The following STK33 variants were observed in gnomAD, a reference collection of about 807,000 sequenced individuals.
The protein encoded by STK33 is serine/threonine-protein kinase 33.
A neutral mutation model predicts 58.0 loss-of-function variants in STK33; 52 were observed. The ratio of observed to expected loss-of-function variants is 0.90; its 90% CI spans 0.72 to 1.13. The LOEUF is 1.13. STK33 is among the 50% of genes most tolerant of loss of function. The pLI is 0.00. For missense variants in STK33, 630 were observed against 604.2 expected (o/e 1.04, Z -0.45); for synonymous variants, 215 against 200.1 (o/e 1.07, Z -0.63).
intron 1 of STK33, among the ~76,000 whole-genome samples, chr11:8,526,859 T>C (rs1954076443): frequency 7.0e-6 from 1 of 141,952 alleles, no homozygotes; most frequent in African/African-American, 2.6e-5. Context: ...AAAATATAGA[T>C]ACTGTAAGAT....
intron 14 of STK33, among the ~76,000 whole-genome samples, chr11:8,435,096 G>A (rs1035935389): frequency 6.6e-5 from 10 of 152,168 alleles, no homozygotes; most frequent in East Asian, 3.8e-4. Flanking sequence ...TGGAGATCAT[G>A]GCTTTTCTGA....
At chr11:8,524,173 C>A (rs1347970306) in intron 1 of STK33, among the ~76,000 whole-genome samples, 2 of 152,166 alleles carry the variant, frequency 1.3e-5, no homozygotes, top group Non-Finnish European at 2.9e-5. Context: ...GGGACACAAA[C>A]ACGGCAGAAG....
At chr11:8,464,306 G>T (rs1269681491) in intron 7 of STK33, among the ~76,000 whole-genome samples, 1 of 152,136 alleles carries the variant, frequency 6.6e-6, no homozygotes, top group African/African-American at 2.4e-5. Flanking sequence ...AGCGAACAGT[G>T]AGGAAATGAA....
intron 1 of STK33, among the ~76,000 whole-genome samples, chr11:8,523,509 C>T (rs1254168530): frequency 6.6e-6 from 1 of 150,674 alleles, no homozygotes; most frequent in Non-Finnish European, 1.5e-5. Flanking sequence ...CGAGGAGCCC[C>T]TCCGCTGGGC....
intron 1 of STK33, among the ~76,000 whole-genome samples, chr11:8,569,656 A>G (rs1957670791): frequency 6.6e-6 from 1 of 152,290 alleles, no homozygotes; most frequent in Admixed American, 6.5e-5. Context: ...AAAAGACACC[A>G]TTAAGAAAAT....
chr11:8,506,729 T>G (rs1951889257), intron 1 of STK33, among the ~76,000 whole-genome samples: 1 of 152,176 alleles, frequency 6.6e-6, no homozygotes, highest in Admixed American at 6.5e-5. Context: ...TGGACACCTT[T>G]GGGGGGCCGT....
At chr11:8,427,937 C>G (rs1942966450) in intron 14 of STK33, among the ~76,000 whole-genome samples, 1 of 152,142 alleles carries the variant, frequency 6.6e-6, no homozygotes, top group Non-Finnish European at 1.5e-5. Flanking sequence ...CTCCTGTTTC[C>G]CAGGAAGCAT....
intron 15 of STK33, among the ~76,000 whole-genome samples, chr11:8,394,388 T>A (rs1028762963): frequency 6.6e-6 from 1 of 152,388 alleles, no homozygotes; most frequent in African/African-American, 2.4e-5. Context: ...AGTGTAACCT[T>A]CTGTCTTTTG....
intron 1 of STK33, among the ~76,000 whole-genome samples, chr11:8,501,318 T>A (rs1456420176): frequency 1.3e-5 from 2 of 152,126 alleles, no homozygotes; most frequent in Non-Finnish European, 2.9e-5. Context: ...ATCAAGAACA[T>A]GTAAAGAATT....
intron 1 of STK33, among the ~76,000 whole-genome samples, chr11:8,503,596 C>T (rs1051881984): frequency 6.6e-6 from 1 of 152,196 alleles, no homozygotes; most frequent in Non-Finnish European, 1.5e-5. Flanking sequence ...AACAAACCTG[C>T]ACATGGACCC....
the STK33 span, among the ~76,000 whole-genome samples, chr11:8,357,665 G>A: frequency 1.3e-5 from 2 of 152,132 alleles, no homozygotes; most frequent in South Asian, 4.1e-4. Flanking sequence ...GGGTCCTCCT[G>A]CCCTCACACC....
At chr11:8,461,190 G>A (rs919427368) in intron 8 of STK33, among the ~76,000 whole-genome samples, 1 of 152,112 alleles carries the variant, frequency 6.6e-6, no homozygotes, top group African/African-American at 2.4e-5. Flanking sequence ...CAGTCCATAC[G>A]CCTAATCCGT....
chr11:8,366,195 A>C, the STK33 span, among the ~76,000 whole-genome samples: 1 of 152,212 alleles, frequency 6.6e-6, no homozygotes, highest in Admixed American at 6.5e-5. Context: ...GAGTGGGCCC[A>C]TCAGGGGAGG....
At chr11:8,386,091 C>A in the STK33 span, among the ~76,000 whole-genome samples, 1 of 152,174 alleles carries the variant, frequency 6.6e-6, no homozygotes, top group East Asian at 1.9e-4. Context: ...TCTTAATGAA[C>A]ATCTTTTGTA....
chr11:8,373,349 G>A, the STK33 span, among the ~76,000 whole-genome samples: 1 of 152,266 alleles, frequency 6.6e-6, no homozygotes, highest in East Asian at 1.9e-4. Flanking sequence ...CACTGCTGGG[G>A]GTGTGGAGCC....
chr11:8,349,812 C>T, the STK33 span, among the ~76,000 whole-genome samples: 3 of 152,236 alleles, frequency 2.0e-5, no homozygotes, highest in Non-Finnish European at 4.4e-5. Flanking sequence ...CACCACACTC[C>T]TCCCACCCCA....
the STK33 span, among the ~76,000 whole-genome samples, chr11:8,349,721 T>G: frequency 6.6e-6 from 1 of 152,200 alleles, no homozygotes; most frequent in African/African-American, 2.4e-5. Flanking sequence ...TTAGGAAGCA[T>G]GATCATGTCC....
chr11:8,429,579 C>T (rs1370193509), intron 14 of STK33, among the ~76,000 whole-genome samples: 1 of 152,114 alleles, frequency 6.6e-6, no homozygotes, highest in Non-Finnish European at 1.5e-5. Flanking sequence ...TTTCAGTCTT[C>T]GTTATCTTAC....
intron 1 of STK33, among the ~76,000 whole-genome samples, chr11:8,503,131 T>G (rs1199737000): frequency 6.6e-6 from 1 of 152,154 alleles, no homozygotes; most frequent in Non-Finnish European, 1.5e-5. Flanking sequence ...CCCAAAGGAA[T>G]ATAAATCATT....
Sources: allele counts gnomAD v4.1 joint callset (sites outside exome capture counted in the v4.1 genomes callset), GRCh38; gene constraint gnomAD v4.1.1; transcripts MANE v1.5; gene names NCBI Gene and HGNC (gene_info 2026-07-23, HGNC 2026-07-21).